The following CMYA5 variants were observed in gnomAD, a reference collection of about 807,000 sequenced individuals.
CMYA5 encodes the protein cardiomyopathy-associated protein 5.
A neutral mutation model predicts 318.9 loss-of-function variants in CMYA5; 246 were observed. That is an observed-to-expected ratio of 0.77 (90% CI 0.70 to 0.86). The LOEUF (loss-of-function observed/expected upper bound fraction) is 0.86. CMYA5 is among the 40% of genes least tolerant of loss of function. The pLI, the probability that CMYA5 is intolerant of heterozygous loss-of-function variation, is 0.00. For synonymous variants in CMYA5, 1,641 were observed against 1,729.5 expected, an observed-to-expected ratio of 0.95 and a Z score of 1.27; for missense variants, 4,589 against 4,678.2, an observed-to-expected ratio of 0.98 and a Z score of 0.56.
chr5:79,754,403 C>T (rs1828489792), intron 6 of CMYA5, among the ~76,000 whole-genome samples: 1 of 152,206 alleles, frequency 6.6e-6, no homozygotes, highest in African/African-American at 2.4e-5. Flanking sequence ...CATCTAATCT[C>T]ACCATAACCC....
intron 1 of CMYA5, among the ~76,000 whole-genome samples, chr5:79,693,128 C>A (rs998783993): frequency 6.6e-6 from 1 of 152,088 alleles, no homozygotes; most frequent in Non-Finnish European, 1.5e-5. Flanking sequence ...TGTTTTGAAT[C>A]ATAATAAAAT....
chr5:79,705,420 T>A (rs1827252177), intron 1 of CMYA5, among the ~76,000 whole-genome samples: 1 of 109,226 alleles, frequency 9.2e-6, no homozygotes, highest in East Asian at 3.3e-4. Flanking sequence ...GATATAGTAT[T>A]TTTTTTTTTT....
chr5:79,745,490 C>T (rs374484701), intron 4 of CMYA5, 35 bp downstream of exon 4: 43 of 1,369,642 alleles, frequency 3.1e-5, no homozygotes, highest in Non-Finnish European at 3.7e-5. Flanking sequence ...AAACACCTTG[C>T]GCCCACTCTG....
At position 79,730,380 on chromosome 5, in the gene CMYA5, A is replaced by G. The variant is rs1360677515; in HGVS notation, c.1615A>G (p.Ser539Gly). 2.2e-5 allele frequency: 36 copies of G among 1,613,944 alleles called. No homozygotes were observed. Among genetic ancestry groups the G allele is most frequent in the Non-Finnish European group, 3.0e-5 (35 of 1,179,890 alleles). ...GATCGTAGAACTTGATTACCCAGAA[A>G]GCCCATTGGTTTCCGAGAAGCCCTT... ...EEIVELDYPE[S>G]PLVSEKPFPP... is the part of the protein sequence containing the mutation. Residue 539 changes from serine (S) to glycine (G), a missense_variant, in exon 2 of 13, where the codon AGC becomes GGC. Physicochemically the swap from Ser to Gly is moderately conservative, Grantham distance 56 (BLOSUM62 0). This residue lies in a region of CMYA5 where 2,132 missense variants were observed against 2,131.3 expected (regional missense o/e 1.00). Coordinates refer to ENST00000446378, the MANE Select transcript of CMYA5 (RefSeq NM_153610.5).
intron 7 of CMYA5, among the ~76,000 whole-genome samples, chr5:79,760,759 TA>T (rs939023415): frequency 6.6e-6 from 1 of 152,148 alleles, no homozygotes; most frequent in African/African-American, 2.4e-5. Flanking sequence ...AACCAAACCA[TA>T]TCATAGGACC....
At chr5:79,742,299 G>T (rs183071183) in intron 2 of CMYA5, among the ~76,000 whole-genome samples, 1 of 151,626 alleles carries the variant, frequency 6.6e-6, no homozygotes, top group African/African-American at 2.4e-5. Context: ...CAATCCTCTC[G>T]CCTCAGCCTC....
rs1475505045 is a variant in CMYA5, at chr5:79,689,954, C to T, written c.47C>T (p.Ser16Phe). The change falls in exon 1 of 13, where the codon TCC (serine) becomes TTC (phenylalanine). Residue 16 changes from serine (S) to phenylalanine (F), a missense_variant. Coordinates refer to ENST00000446378, the MANE Select transcript of CMYA5 (RefSeq NM_153610.5). ...SNHAGESFLGSDGDEEATREL... is the reference protein window; with the variant it reads ...SNHAGESFLGFDGDEEATREL... ...CACGCTGGCGAGAGCTTTCTCGGCT[C>T]CGACGGGGACGAGGAGGCGACCCGG... is the stretch of plus-strand genomic sequence containing the variant. 3 of 1,121,276 alleles carry T rather than the reference C, an allele frequency of 2.7e-6. No individual in the cohort carries two copies. The highest frequency in any genetic ancestry group is 2.0e-5 in the Admixed American group (1 of 49,942). 69.5% of individuals were successfully genotyped at this position (1,121,276 alleles called of 1,614,324 possible). A position where few individuals can be genotyped will look rare whatever the true frequency, so the allele number is the denominator to read the frequency against.
chr5:79,717,393 A>T (rs1827539318), intron 1 of CMYA5, among the ~76,000 whole-genome samples: 1 of 152,224 alleles, frequency 6.6e-6, no homozygotes, highest in South Asian at 2.1e-4. Flanking sequence ...ATACATACAA[A>T]TAACTTGAAT....
chr5:79,765,603 G>A (rs1358498381), intron 9 of CMYA5, among the ~76,000 whole-genome samples: 1 of 152,122 alleles, frequency 6.6e-6, no homozygotes, highest in African/African-American at 2.4e-5. Flanking sequence ...TCACAATATT[G>A]GTTCTTTCTA....
At chr5:79,751,506 G>C (rs1186883572) in intron 5 of CMYA5, among the ~76,000 whole-genome samples, 1 of 152,098 alleles carries the variant, frequency 6.6e-6, no homozygotes, top group Non-Finnish European at 1.5e-5. Context: ...TATTGTTTCT[G>C]ACAGTAGTAA....
rs1284512340 is a variant in CMYA5 at position 79,738,515 on chromosome 5, C to G, written c.9750C>G (p.Asp3250Glu). The G allele has an allele frequency of 6.2e-7, 1 of 1,613,246 alleles. No homozygotes were observed. Among genetic ancestry groups the G allele is most frequent in the Non-Finnish European group, 8.5e-7 (1 of 1,179,874 alleles). Reference protein sequence around the residue: ...KYILKDDILHDTSLTQKDQGQ... With the variant: ...KYILKDDILHETSLTQKDQGQ... ...TACTCAAAGATGACATTCTCCATGA[C>G]ACATCTCTAACTCAAAAGGACCAGG... is the stretch of plus-strand genomic sequence containing the variant. Residue 3250 changes from aspartate to glutamate, a missense_variant, in exon 2 of 13, where the codon GAC (aspartate) becomes GAG (glutamate). Physicochemically the swap from Asp to Glu is conservative, Grantham distance 45. Transcript: ENST00000446378.
At chr5:79,755,799 GC>G (rs1413176148) in intron 6 of CMYA5, among the ~76,000 whole-genome samples, 5 of 152,096 alleles carry the variant, frequency 3.3e-5, no homozygotes, top group Non-Finnish European at 5.9e-5. Flanking sequence ...TACCTTTAAT[GC>G]TTTTGGGGGA....
At chr5:79,755,878 T>A (rs1828518550) in intron 6 of CMYA5, among the ~76,000 whole-genome samples, 1 of 152,230 alleles carries the variant, frequency 6.6e-6, no homozygotes, top group East Asian at 1.9e-4. Flanking sequence ...AGTGATTTTC[T>A]TGGATCAATT....
At chr5:79,787,603 G>A (rs1580806998) in intron 9 of CMYA5, among the ~76,000 whole-genome samples, 1 of 152,180 alleles carries the variant, frequency 6.6e-6, no homozygotes, top group Non-Finnish European at 1.5e-5. Context: ...CTGAGGGCCT[G>A]GTCAGGTGAT....
In CMYA5 at chr5:79,730,495, T is replaced by C. The variant is rs1399962290; in HGVS notation, c.1730T>C (p.Leu577Ser). ...LAASSPEHVA[L>S]SEEEREEIAS... ...GCATCATCTCCTGAACATGTTGCTT[T>C]GTCTGAGGAAGAAAGAGAGGAAATT... Residue 577 changes from leucine (L) to serine (S), a missense_variant, in exon 2 of 13, where the codon TTG (leucine) becomes TCG (serine). By Grantham distance (145) the Leu-to-Ser change is moderately radical. Coordinates refer to ENST00000446378, the MANE Select transcript of CMYA5 (RefSeq NM_153610.5). The C allele has an allele frequency of 5.6e-6, 9 of 1,613,962 alleles. No homozygotes were observed. The South Asian group carries it at 9.9e-5, about 18-fold the overall frequency.
chr5:79,713,140 G>C (rs1176827539), intron 1 of CMYA5, among the ~76,000 whole-genome samples: 1 of 152,172 alleles, frequency 6.6e-6, no homozygotes, highest in Non-Finnish European at 1.5e-5. Context: ...TCACTCTTGA[G>C]TCTGCCTTCA....
Position 79,738,374 on chromosome 5 carries a change from GAAAA to G in CMYA5, c.9611_9614del (p.Lys3204ArgfsTer13), listed in dbSNP as rs772670322. The G allele has an allele frequency of 5.0e-6, 8 of 1,613,600 alleles. No homozygotes were observed. Among genetic ancestry groups the G allele is most frequent in the South Asian group, 2.2e-5 (2 of 91,060 alleles). ...ATCTGTATGAAGAAGCAGTTGGAGAGAAAAAGAAGGAAGAGGAGACAGCTTCTGA... is the reference window on the plus strand; with the variant it reads ...ATCTGTATGAAGAAGCAGTTGGAGAGAGAAGGAAGAGGAGACAGCTTCTGA... On this transcript the variant is annotated frameshift_variant, in exon 2 of 13. Coordinates refer to ENST00000446378, the MANE Select transcript of CMYA5 (RefSeq NM_153610.5). LOFTEE classifies it high-confidence loss of function.
chr5:79,798,498 T>G (rs1032717357), intron 12 of CMYA5, among the ~76,000 whole-genome samples: 1 of 152,152 alleles, frequency 6.6e-6, no homozygotes, highest in African/African-American at 2.4e-5. Flanking sequence ...GTTTCTCCTT[T>G]CCAGCCTGGC....
chr5:79,731,914 C>A lies in CMYA5; in HGVS notation c.3149C>A (p.Ala1050Asp). ...EADEEDIGST[A>D]ATPVSEQFSS... ...GATGAGGAAGACATTGGATCCACAG[C>A]TGCTACACCTGTATCTGAGCAGTTC... is the stretch of plus-strand genomic sequence containing the variant. The change falls in exon 2 of 13, where the codon GCT (alanine) becomes GAT (aspartate). Residue 1050 changes from alanine (A) to aspartate (D), a missense_variant. By Grantham distance (126) the Ala-to-Asp change is moderately radical. This residue lies in a region of CMYA5 where 2,132 missense variants were observed against 2,131.3 expected (regional missense o/e 1.00). Coordinates refer to ENST00000446378, the MANE Select transcript of CMYA5 (RefSeq NM_153610.5). 1 of 1,612,998 alleles carries A rather than the reference C, an allele frequency of 6.2e-7. No individual in the cohort carries two copies. Among genetic ancestry groups the A allele is most frequent in the Non-Finnish European group, 8.5e-7 (1 of 1,179,566 alleles).
Sources: gnomAD v4.1 joint callset for allele counts (sites outside exome capture counted in the v4.1 genomes callset) on GRCh38, gnomAD v4.1.1 for gene constraint, gnomAD v4.1.1 regional missense constraint, MANE v1.5 for transcripts, NCBI Gene and HGNC (gene_info 2026-07-23, HGNC 2026-07-21) for gene names.